The following NAALADL2 variants were observed in gnomAD, a reference collection of about 807,000 sequenced individuals.
NAALADL2 encodes the protein inactive N-acetylated-alpha-linked acidic dipeptidase-like protein 2.
A neutral mutation model predicts 87.2 loss-of-function variants in NAALADL2; 76 were observed. That is an observed-to-expected ratio of 0.87 (90% confidence interval 0.72 to 1.05). The LOEUF is 1.05. NAALADL2 is among the 50% of genes least tolerant of loss of function. The probability of loss-of-function intolerance (pLI) is 0.00; values close to 1 mark genes in which losing one functional copy is unlikely to be tolerated. For synonymous variants in NAALADL2, 354 were observed against 331.0 expected (o/e 1.07, Z -0.75); for missense variants, 1,089 against 945.8 (o/e 1.15, Z -1.99).
At chr3:175,584,132 G>GGTTCAAGCAATTCTCCTGCCTCA (rs1720196533) in intron 10 of NAALADL2, among the ~76,000 whole-genome samples, 1 of 151,724 alleles carries the variant, frequency 6.6e-6, no homozygotes, top group Admixed American at 6.6e-5. Flanking sequence ...CCACCTCCGA[G>GGTTCAAGCAATTCTCCTGCCTCA]GTTCAAGCAA....
chr3:174,826,182 A>C (rs1280353574), intron 3 of NAALADL2, among the ~76,000 whole-genome samples: 1 of 152,188 alleles, frequency 6.6e-6, no homozygotes, highest in Non-Finnish European at 1.5e-5. Flanking sequence ...ATGAGTACTT[A>C]CTTATTTGAT....
upstream of NAALADL2, chr3:174,859,189 T>C (rs1726170853): frequency 3.9e-6 from 2 of 516,126 alleles, no homozygotes; most frequent in South Asian, 6.1e-5. Flanking sequence ...AAGTACACTT[T>C]AATAGCCATA....
rs116619540 is a variant in NAALADL2, at chr3:175,695,153, T to C, written c.1897-42153T>C. Among the ~76,000 whole-genome samples the C allele has an allele frequency of 7.0e-3, 1,070 of 152,254 alleles. 12 individuals carry two copies. Among genetic ancestry groups the C allele is most frequent in the African/African-American group, 0.024 (1,004 of 41,536 alleles). ...TGCAATTTTATGTAGAGTAATCTTTTTTAATTATACATAAACCATGGTTTC... is the reference window on the plus strand; with the variant it reads ...TGCAATTTTATGTAGAGTAATCTTTCTTAATTATACATAAACCATGGTTTC... On this transcript the variant is annotated intron_variant, in intron 11 of 13. Coordinates refer to ENST00000454872, the MANE Select transcript of NAALADL2 (RefSeq NM_207015.3).
chr3:175,102,682 G>C (rs1302139543), intron 2 of NAALADL2, among the ~76,000 whole-genome samples: 1 of 144,430 alleles, frequency 6.9e-6, no homozygotes, highest in Non-Finnish European at 1.5e-5. Context: ...GCATTATTTG[G>C]ACAGGGCAAT....
chr3:175,539,340 C>A (rs1711872816), intron 9 of NAALADL2, among the ~76,000 whole-genome samples: 1 of 152,094 alleles, frequency 6.6e-6, no homozygotes, highest in African/African-American at 2.4e-5. Context: ...TAAATAGAAT[C>A]TGTTTATACC....
intron 5 of NAALADL2, among the ~76,000 whole-genome samples, chr3:175,367,721 G>T (rs1321314093): frequency 2.6e-5 from 4 of 152,170 alleles, no homozygotes; most frequent in Admixed American, 2.6e-4. Context: ...CTGAAACTTT[G>T]CTGAAGTTGC....
chr3:175,321,763 A>G (rs1186943643), intron 4 of NAALADL2, among the ~76,000 whole-genome samples: 4 of 134,530 alleles, frequency 3.0e-5, no homozygotes, highest in South Asian at 2.6e-4. Flanking sequence ...TAAAATACCT[A>G]GGAATCCAAC....
intron 1 of NAALADL2, among the ~76,000 whole-genome samples, chr3:174,522,933 C>CAAAAAAAAAAAAAAAAAAA (rs57653560): frequency 6.7e-4 from 51 of 75,834 alleles, no homozygotes; most frequent in Non-Finnish European, 8.1e-4. Flanking sequence ...GACTCTGTCT[C>CAAAAAAAAAAAAAAAAAAA]AAAAAAAAAA....
intron 1 of NAALADL2, among the ~76,000 whole-genome samples, chr3:174,494,269 C>G (rs901618574): frequency 2.0e-5 from 3 of 152,046 alleles, no homozygotes; most frequent in Non-Finnish European, 4.4e-5. Flanking sequence ...AAGTCACTGA[C>G]AGGTTTTAAG....
exon 3 of NAALADL2, chr3:174,737,742 T>C (rs1310032398): frequency 3.9e-5 from 6 of 152,214 alleles, no homozygotes; most frequent in South Asian, 2.1e-4. Context: ...GAACATTCAA[T>C]TGAAGTAAGA....
chr3:175,808,601 A>G lies in NAALADL2; in HGVS notation c.*5398A>G, dbSNP rs1754899685. ...GGCTTAAGCCAATAAGCACTGAGGT[A>G]GCTTTTCTCAGAAGGAAACAGATTT... On this transcript the variant is annotated 3_prime_UTR_variant, in exon 14 of 14. Transcript: ENST00000454872. 1 of 152,004 alleles carries G rather than the reference A, an allele frequency of 6.6e-6. No homozygotes were observed. Among genetic ancestry groups the G allele is most frequent in the South Asian group, 2.1e-4 (1 of 4,830 alleles). The allele number at this position is 152,004 out of a possible 1,614,324, so 9.4% of individuals were successfully genotyped here.
At chr3:174,636,722 A>G (rs1722685074) in intron 2 of NAALADL2, among the ~76,000 whole-genome samples, 1 of 152,162 alleles carries the variant, frequency 6.6e-6, no homozygotes, top group Admixed American at 6.5e-5. Flanking sequence ...ATAAATTAGT[A>G]CAGCCATTAT....
intron 6 of NAALADL2, among the ~76,000 whole-genome samples, chr3:175,448,523 G>A (rs960321577): frequency 6.6e-6 from 1 of 152,110 alleles, no homozygotes; most frequent in African/African-American, 2.4e-5. Flanking sequence ...TCCAGCCACT[G>A]TCCTGCCCTC....
intron 5 of NAALADL2, among the ~76,000 whole-genome samples, chr3:175,341,235 A>G (rs567954978): frequency 1.3e-5 from 2 of 152,266 alleles, no homozygotes; most frequent in South Asian, 2.1e-4. Flanking sequence ...GATGTTTTCT[A>G]TAAATGGAAT....
intron 10 of NAALADL2, among the ~76,000 whole-genome samples, chr3:175,577,996 G>A (rs1460089803): frequency 6.6e-6 from 1 of 152,080 alleles, no homozygotes; most frequent in African/African-American, 2.4e-5. Context: ...TGAAGTCACA[G>A]TTACAAATAT....
Position 175,274,819 on chromosome 3 carries a change from G to A in NAALADL2, c.939+18289G>A, listed in dbSNP as rs1286935713. On this transcript the variant is annotated intron_variant, in intron 4 of 13. Transcript: ENST00000454872. ...TCTCAAGCAAGGGTAGGTGAACTGG[G>A]CCCATATTTTTTACATATTTAGAGT... Among the ~76,000 whole-genome samples the A allele has an allele frequency of 2.6e-5, 4 of 152,224 alleles. 1 individual carries two copies. In the South Asian group the frequency reaches 6.2e-4, roughly 24 times the overall value.
intron 2 of NAALADL2, among the ~76,000 whole-genome samples, chr3:175,223,560 C>G (rs1408766248): frequency 6.6e-6 from 1 of 152,002 alleles, no homozygotes; most frequent in Non-Finnish European, 1.5e-5. Flanking sequence ...GTTTTCATAT[C>G]TTGACTATCA....
At chr3:174,494,614 A>C (rs575731762) in intron 1 of NAALADL2, among the ~76,000 whole-genome samples, 218 of 92,112 alleles carry the variant, frequency 2.4e-3, no homozygotes, top group African/African-American at 0.012. Context: ...CCTAGAACTT[A>C]AAGTATTAAA....
chr3:174,713,742 T>C (rs704999), intron 2 of NAALADL2, among the ~76,000 whole-genome samples: 123,377 of 150,552 alleles, frequency 0.82, 50,745 homozygotes, highest in Middle Eastern at 0.9. Context: ...TTCTCCCATT[T>C]TGTAGGTTGC....
Sources: allele counts gnomAD v4.1 joint callset (sites outside exome capture counted in the v4.1 genomes callset), GRCh38; gene constraint gnomAD v4.1.1; transcripts MANE v1.5; gene names NCBI Gene and HGNC (gene_info 2026-07-23, HGNC 2026-07-21).